Variants in KSR2 observed in about 807,000 individuals in gnomAD.
The protein encoded by KSR2 is kinase suppressor of ras 2.
KSR2 carries 25 observed loss-of-function variants against 107.8 expected under a neutral mutation model. That is an observed-to-expected ratio of 0.23 (90% CI 0.17 to 0.32). The LOEUF (loss-of-function observed/expected upper bound fraction) is 0.32, where lower values mean the gene tolerates loss of function less well. Ranked by LOEUF, KSR2 falls within the 10% of genes least tolerant of loss-of-function variation. The pLI is 1.00. For missense variants in KSR2, 887 were observed against 1,268.9 expected, an observed-to-expected ratio of 0.70 and a Z score of 4.57; for synonymous variants, 480 against 507.0, an observed-to-expected ratio of 0.95 and a Z score of 0.71.
intron 1 of KSR2, among the ~76,000 whole-genome samples, chr12:117,918,642 T>A (rs1251999731): frequency 6.6e-6 from 1 of 150,938 alleles, no homozygotes; most frequent in Non-Finnish European, 1.5e-5. Flanking sequence ...TACAAAACTA[T>A]CCGGGCGTGG....
At chr12:117,865,117 G>C (rs1332453770) in intron 1 of KSR2, among the ~76,000 whole-genome samples, 1 of 151,548 alleles carries the variant, frequency 6.6e-6, no homozygotes, top group Non-Finnish European at 1.5e-5. Context: ...AACTAATCAG[G>C]TTTAAATTAC....
chr12:117,656,880 C>T (rs1394799120), intron 5 of KSR2, among the ~76,000 whole-genome samples: 2 of 145,184 alleles, frequency 1.4e-5, no homozygotes, highest in Non-Finnish European at 3.0e-5. Flanking sequence ...ACCTTGTGAT[C>T]ATGTAAGTTA....
At chr12:117,738,954 G>C (rs1888054661) in intron 4 of KSR2, among the ~76,000 whole-genome samples, 8 of 152,214 alleles carry the variant, frequency 5.3e-5, no homozygotes, top group Admixed American at 5.2e-4. Context: ...TGCTCTGGGT[G>C]AGTGAGCGAG....
chr12:117,871,609 A>C (rs986307673), intron 1 of KSR2, among the ~76,000 whole-genome samples: 1 of 151,706 alleles, frequency 6.6e-6, no homozygotes, highest in Non-Finnish European at 1.5e-5. Context: ...AAAAAAAAAA[A>C]TGTCAGATGA....
intron 5 of KSR2, among the ~76,000 whole-genome samples, chr12:117,592,779 T>C (rs1337245971): frequency 1.3e-5 from 2 of 151,848 alleles, no homozygotes; most frequent in African/African-American, 4.8e-5. Context: ...GTGGGGATGA[T>C]GGATGGAGAA....
chr12:117,541,486 C>G (rs1466048551), intron 9 of KSR2, among the ~76,000 whole-genome samples: 1 of 152,198 alleles, frequency 6.6e-6, no homozygotes, highest in Non-Finnish European at 1.5e-5. Flanking sequence ...GCAAAAGCAG[C>G]AAACCTCCAC....
intron 19 of KSR2, 29 bp from the exon 20 acceptor site, chr12:117,467,234 G>C (rs766062707): frequency 1.4e-6 from 1 of 728,428 alleles, no homozygotes. Flanking sequence ...GGAGAGAGTG[G>C]TGAGAGGTCA....
At chr12:117,636,096 T>C (rs1481969763) in intron 5 of KSR2, among the ~76,000 whole-genome samples, 1 of 152,158 alleles carries the variant, frequency 6.6e-6, no homozygotes, top group Non-Finnish European at 1.5e-5. Flanking sequence ...CTGGCCAGTA[T>C]GTTACTACTT....
intron 2 of KSR2, among the ~76,000 whole-genome samples, chr12:117,856,798 T>A (rs547841678): frequency 6.6e-6 from 1 of 152,100 alleles, no homozygotes; most frequent in Non-Finnish European, 1.5e-5. Flanking sequence ...GCGGAATACA[T>A]CTACCCTCTT....
chr12:117,632,286 G>A (rs138685486), intron 5 of KSR2, among the ~76,000 whole-genome samples: 34 of 134,568 alleles, frequency 2.5e-4, no homozygotes, highest in Middle Eastern at 4.8e-3. Context: ...GTGCAGTGGC[G>A]CAATCTTGGT....
Position 117,460,200 on chromosome 12 carries a change from AG to A in KSR2, c.*6998del, listed in dbSNP as rs1870823833. ...TTTAGATCAGGCACATTCTAGACAGAGTCCATCTCCTCCAGCTCAGTCCTCA... is the reference window on the plus strand; with the variant it reads ...TTTAGATCAGGCACATTCTAGACAGATCCATCTCCTCCAGCTCAGTCCTCA... On this transcript the variant is annotated 3_prime_UTR_variant, in exon 20 of 20. Coordinates refer to ENST00000339824, the MANE Select transcript of KSR2 (RefSeq NM_173598.6). 3.9e-5 allele frequency: 6 copies of A among 152,322 alleles called. No individual in the cohort carries two copies. In the South Asian group the frequency reaches 1.2e-3, roughly 32 times the overall value. The allele number at this position is 152,322 out of a possible 1,614,324, so 9.4% of individuals were successfully genotyped here.
At chr12:117,914,154 T>C (rs1008496163) in intron 1 of KSR2, among the ~76,000 whole-genome samples, 1 of 152,048 alleles carries the variant, frequency 6.6e-6, no homozygotes, top group African/African-American at 2.4e-5. Context: ...TATGGCTGGG[T>C]GCAGTGGCTC....
chr12:117,540,402 G>C (rs537945304), intron 9 of KSR2, among the ~76,000 whole-genome samples: 10 of 152,170 alleles, frequency 6.6e-5, no homozygotes, highest in Admixed American at 2.6e-4. Context: ...ATCCATGTGT[G>C]CATTTTCGGA....
At chr12:117,926,058 G>A (rs1307455951) in intron 1 of KSR2, among the ~76,000 whole-genome samples, 10 of 152,040 alleles carry the variant, frequency 6.6e-5, no homozygotes, top group Admixed American at 2.0e-4. Context: ...TTAGCCAGGC[G>A]TGGTGGTGCA....
At chr12:117,696,989 G>A (rs1232070055) in intron 4 of KSR2, among the ~76,000 whole-genome samples, 1 of 152,114 alleles carries the variant, frequency 6.6e-6, no homozygotes, top group Non-Finnish European at 1.5e-5. Context: ...GTGGACAGAT[G>A]AGGGGACACC....
chr12:117,814,005 A>G (rs527685553), intron 3 of KSR2, among the ~76,000 whole-genome samples: 1 of 152,352 alleles, frequency 6.6e-6, no homozygotes, highest in African/African-American at 2.4e-5. Flanking sequence ...CATTATATTA[A>G]GTGAAATAAG....
intron 5 of KSR2, among the ~76,000 whole-genome samples, chr12:117,624,636 G>C (rs1882369479): frequency 1.3e-5 from 2 of 152,188 alleles, no homozygotes; most frequent in Non-Finnish European, 2.9e-5. Context: ...ATAGCTTAAA[G>C]TCAGGTAGCG....
At chr12:117,576,115 C>T (rs1283366289) in intron 7 of KSR2, among the ~76,000 whole-genome samples, 1 of 152,188 alleles carries the variant, frequency 6.6e-6, no homozygotes, top group Non-Finnish European at 1.5e-5. Context: ...AGAGCACTAG[C>T]AAAGGCTACT....
intron 2 of KSR2, among the ~76,000 whole-genome samples, chr12:117,859,440 T>A (rs537863654): frequency 2.1e-5 from 3 of 145,576 alleles, no homozygotes; most frequent in Non-Finnish European, 4.5e-5. Flanking sequence ...GCCTGTTTTT[T>A]TCGTTTTTTG....
Sources: gnomAD v4.1 joint callset for allele counts (sites outside exome capture counted in the v4.1 genomes callset) on GRCh38, gnomAD v4.1.1 for gene constraint, MANE v1.5 for transcripts, NCBI Gene and HGNC (gene_info 2026-07-23, HGNC 2026-07-21) for gene names.